The following PACRG variants were observed in gnomAD, a reference collection of about 807,000 sequenced individuals.
PACRG encodes the protein parkin coregulated gene protein.
In PACRG, 29 loss-of-function variants were observed where a neutral mutation model predicts 29.7. The ratio of observed to expected loss-of-function variants is 0.98; its 90% CI spans 0.73 to 1.33. PACRG has a LOEUF of 1.33. Ranked by LOEUF, PACRG falls within the 40% of genes most tolerant of loss-of-function variation. The pLI, the probability that PACRG is intolerant of heterozygous loss-of-function variation, is 0.00. For missense variants in PACRG, 279 were observed against 316.2 expected (o/e 0.88, Z 0.89); for synonymous variants, 116 against 118.7 (o/e 0.98, Z 0.15).
intron 4 of PACRG, among the ~76,000 whole-genome samples, chr6:163,292,915 C>T (rs1003935494): frequency 6.6e-6 from 1 of 152,098 alleles, no homozygotes; most frequent in Admixed American, 6.6e-5. Context: ...CGATTGTTAC[C>T]TTCTGATCAA....
At chr6:163,234,849 A>T (rs1388909850) in intron 4 of PACRG, among the ~76,000 whole-genome samples, 1 of 152,260 alleles carries the variant, frequency 6.6e-6, no homozygotes, top group Non-Finnish European at 1.5e-5. Context: ...AAGCCAGATT[A>T]TAATGGGTAA....
chr6:163,287,092 A>C (rs1278972664), intron 4 of PACRG, among the ~76,000 whole-genome samples: 5 of 152,104 alleles, frequency 3.3e-5, no homozygotes, highest in African/African-American at 1.2e-4. Context: ...CAGATAGTAC[A>C]TGAGTAGTTT....
At chr6:162,729,887 T>C (rs1355416085) in intron 1 of PACRG, among the ~76,000 whole-genome samples, 1 of 152,112 alleles carries the variant, frequency 6.6e-6, no homozygotes, top group Admixed American at 6.6e-5. Flanking sequence ...AAAAAAACAT[T>C]GATTATGAAG....
At chr6:162,926,600 A>G (rs906517248) in intron 2 of PACRG, among the ~76,000 whole-genome samples, 1 of 152,170 alleles carries the variant, frequency 6.6e-6, no homozygotes, top group Non-Finnish European at 1.5e-5. Flanking sequence ...CTGGCTAACC[A>G]TATGCGGAAA....
chr6:163,252,294 C>G (rs747547137), intron 4 of PACRG, among the ~76,000 whole-genome samples: 1 of 152,272 alleles, frequency 6.6e-6, no homozygotes, highest in Non-Finnish European at 1.5e-5. Flanking sequence ...GGCCAGGCGC[C>G]GGCCTTCGTT....
At chr6:163,067,004 A>G (rs1167289294) in intron 3 of PACRG, among the ~76,000 whole-genome samples, 4 of 152,148 alleles carry the variant, frequency 2.6e-5, no homozygotes, top group Non-Finnish European at 5.9e-5. Flanking sequence ...ATCAGCTGCT[A>G]CTCATCGTTT....
chr6:162,746,839 G>C lies in PACRG; in HGVS notation c.156+18448G>C, dbSNP rs575431103. Among the ~76,000 whole-genome samples, 3 of 152,184 alleles carry C rather than the reference G, an allele frequency of 2.0e-5. No homozygotes were observed. In the East Asian group the frequency reaches 5.8e-4, roughly 29 times the overall value. On this transcript the variant is annotated intron_variant, in intron 1 of 4. Transcript: ENST00000366888. The stretch of plus-strand genomic sequence containing the variant: ...ATTCATAACTTACAGGAAAAAAGAG[G>C]TAATTAATTGACTAGGATCTTGCAG...
chr6:163,190,828 C>G lies in PACRG; in HGVS notation c.613+101420C>G. On this transcript the variant is annotated intron_variant, in intron 4 of 4. Transcript: ENST00000366888. Reference sequence around the variant, plus strand: ...AAAGTCAGAAACAACTTAACAACTTCGTCTTCTTTCACTGATTACTTCCCT... The same window carrying G: ...AAAGTCAGAAACAACTTAACAACTTGGTCTTCTTTCACTGATTACTTCCCT... 2 of 379,082 alleles carry G rather than the reference C, an allele frequency of 5.3e-6. 1 individual carries two copies. Among genetic ancestry groups the G allele is most frequent in the South Asian group, 4.0e-5 (2 of 50,428 alleles). The allele number at this position is 379,082 out of a possible 1,614,324, so 23.5% of individuals were successfully genotyped here. A position where few individuals can be genotyped will look rare whatever the true frequency, so the allele number is the denominator to read the frequency against.
intron 4 of PACRG, among the ~76,000 whole-genome samples, chr6:163,299,254 G>A (rs1266001593): frequency 1.3e-5 from 2 of 152,192 alleles, no homozygotes; most frequent in African/African-American, 2.4e-5. Flanking sequence ...CTCCGACTGG[G>A]AAGCCAGTTT....
At chr6:163,091,000 G>A (rs909513568) in intron 4 of PACRG, among the ~76,000 whole-genome samples, 1 of 152,154 alleles carries the variant, frequency 6.6e-6, no homozygotes, top group African/African-American at 2.4e-5. Flanking sequence ...CAGTTATTCT[G>A]TACTTGATGA....
At chr6:163,185,728 G>A (rs1426784897) in intron 4 of PACRG, among the ~76,000 whole-genome samples, 1 of 152,158 alleles carries the variant, frequency 6.6e-6, no homozygotes, top group Non-Finnish European at 1.5e-5. Flanking sequence ...GAACTTCACA[G>A]GGGCATAATT....
chr6:162,866,710 T>TTTTAA (rs1792326113), intron 2 of PACRG, among the ~76,000 whole-genome samples: 1 of 152,000 alleles, frequency 6.6e-6, no homozygotes, highest in Non-Finnish European at 1.5e-5. Flanking sequence ...TTGAGGGAAC[T>TTTTAA]TAAAAGACAC....
chr6:162,885,248 T>TTC (rs397737230), intron 2 of PACRG, among the ~76,000 whole-genome samples: 1 of 148,938 alleles, frequency 6.7e-6, no homozygotes, highest in African/African-American at 2.4e-5. Context: ...TTTTTTTTTT[T>TTC]CTGGGAGCTT....
At chr6:163,165,847 C>T (rs1778778351) in intron 4 of PACRG, 4 of 341,380 alleles carry the variant, frequency 1.2e-5, no homozygotes, top group South Asian at 9.2e-5. Flanking sequence ...TCATTTAGGA[C>T]AGTGAAGATG....
intron 2 of PACRG, among the ~76,000 whole-genome samples, chr6:162,928,732 G>T (rs1797630687): frequency 6.6e-6 from 1 of 151,572 alleles, no homozygotes; most frequent in African/African-American, 2.4e-5. Flanking sequence ...TATTGTATAT[G>T]GCTATATGTA....
At chr6:162,943,683 C>T (rs571006246) in intron 2 of PACRG, among the ~76,000 whole-genome samples, 6 of 152,222 alleles carry the variant, frequency 3.9e-5, no homozygotes, top group South Asian at 4.1e-4. Flanking sequence ...TGCCTGAGCT[C>T]GCCGTCTGGG....
At chr6:163,086,749 G>A (rs1362581362) in intron 3 of PACRG, among the ~76,000 whole-genome samples, 1 of 152,114 alleles carries the variant, frequency 6.6e-6, no homozygotes, top group Non-Finnish European at 1.5e-5. Flanking sequence ...ATTCGGTTTA[G>A]TTCAAACTAG....
At chr6:162,786,772 C>T (rs1304822507) in intron 1 of PACRG, among the ~76,000 whole-genome samples, 1 of 150,474 alleles carries the variant, frequency 6.6e-6, no homozygotes, top group East Asian at 2.0e-4. Flanking sequence ...TAAATCTCTT[C>T]CTCTCACTTT....
chr6:163,312,393 C>A (rs1017412852), intron 4 of PACRG, among the ~76,000 whole-genome samples: 1 of 152,128 alleles, frequency 6.6e-6, no homozygotes, highest in Non-Finnish European at 1.5e-5. Flanking sequence ...TTCATCCTGC[C>A]CACCTTCTTC....
Sources: gnomAD v4.1 joint callset for allele counts (sites outside exome capture counted in the v4.1 genomes callset) on GRCh38, gnomAD v4.1.1 for gene constraint, MANE v1.5 for transcripts, NCBI Gene and HGNC (gene_info 2026-07-23, HGNC 2026-07-21) for gene names.